SUPT7L: variants seen among roughly 807,000 people sequenced by gnomAD.
The protein encoded by SUPT7L is STAGA complex 65 subunit gamma.
A neutral mutation model predicts 35.7 loss-of-function variants in SUPT7L; 15 were observed. The ratio of observed to expected loss-of-function variants is 0.42; its 90% CI spans 0.28 to 0.65. SUPT7L has a LOEUF of 0.65. Ranked by LOEUF, SUPT7L falls within the 30% of genes least tolerant of loss-of-function variation. The pLI, the probability that SUPT7L is intolerant of heterozygous loss-of-function variation, is 0.23. For synonymous variants in SUPT7L, 168 were observed against 186.2 expected (o/e 0.90, Z 0.79); for missense variants, 434 against 522.2 (o/e 0.83, Z 1.65).
rs151276061 is a variant in SUPT7L, at chr2:27,661,686, G to C, written c.15-298C>G. 7.0e-4 allele frequency: 860 copies of C among 1,232,226 alleles called. 5 individuals are homozygous for C. In the African/African-American group the frequency reaches 0.012, roughly 18 times the overall value. The allele number at this position is 1,232,226 out of a possible 1,614,324, so 76.3% of individuals were successfully genotyped here. A position where few individuals can be genotyped will look rare whatever the true frequency, so the allele number is the denominator to read the frequency against. ...TCCTACTACACTGAACCACAGGGTA[G>C]AATTTGGGTCATTAGTGGACCAATA... On this transcript the variant is annotated intron_variant, in intron 2 of 5. Transcript: ENST00000337768.
chr2:27,644,132 G>A, the SUPT7L span, among the ~76,000 whole-genome samples: 2 of 152,112 alleles, frequency 1.3e-5, no homozygotes, highest in Non-Finnish European at 2.9e-5. Flanking sequence ...CAAAGATCGC[G>A]CCACTGCACT....
chr2:27,644,718 G>T, the SUPT7L span, among the ~76,000 whole-genome samples: 1 of 142,466 alleles, frequency 7.0e-6, no homozygotes, highest in African/African-American at 2.6e-5. Context: ...TTTTTTTTTG[G>T]TAGTGTTTTT....
intron 2 of SUPT7L, 185 bp from the exon 3 acceptor site, chr2:27,661,573 G>A: frequency 7.0e-7 from 1 of 1,427,446 alleles, no homozygotes; most frequent in South Asian, 1.5e-5. Context: ...GTCAGTGTCA[G>A]CAAAACTGTA....
the SUPT7L span, among the ~76,000 whole-genome samples, chr2:27,645,422 C>T: frequency 6.6e-6 from 1 of 152,300 alleles, no homozygotes; most frequent in African/African-American, 2.4e-5. Context: ...CATGTTCTTC[C>T]ATATGAACTG....
At chr2:27,644,644 A>AT in the SUPT7L span, among the ~76,000 whole-genome samples, 8 of 125,970 alleles carry the variant, frequency 6.4e-5, no homozygotes, top group African/African-American at 2.4e-4. Flanking sequence ...AGTCGGTGTT[A>AT]TTTTTTTCAT....
chr2:27,650,230 G>C (rs751447106), downstream of SUPT7L: 6 of 1,340,124 alleles, frequency 4.5e-6, no homozygotes, highest in Non-Finnish European at 6.4e-6. Context: ...CTTGTTTCTA[G>C]AAGTCCAGAA....
In SUPT7L at chr2:27,661,202, A is replaced by G. The variant is rs763258355; in HGVS notation, c.201T>C (p.Ile67=). 1 of 1,614,138 alleles carries G rather than the reference A, an allele frequency of 6.2e-7. No individual in the cohort carries two copies. The highest frequency in any genetic ancestry group is 8.5e-7 in the Non-Finnish European group (1 of 1,180,014). Reference sequence around the variant, plus strand: ...GACGTCGGTTGTGCTGAATCAACTGAATCGTATGGATGGTGAGACTACATG... The same window carrying G: ...GACGTCGGTTGTGCTGAATCAACTGGATCGTATGGATGGTGAGACTACATG... The part of the protein sequence containing the change: ...SEPCSLTIHT[I]QLIQHNRRLR... Residue 67 remains isoleucine (I), a synonymous_variant, in exon 3 of 6, where the codon ATT becomes ATC. Transcript: ENST00000337768.
At chr2:27,647,586 T>C (rs1487555737), downstream of SUPT7L, among the ~76,000 whole-genome samples, 1 of 152,210 alleles carries the variant, frequency 6.6e-6, no homozygotes, top group East Asian at 1.9e-4. Flanking sequence ...TAAGACAAGC[T>C]TCTTGAAAAT....
At chr2:27,649,446 A>G (rs1404241655), downstream of SUPT7L, among the ~76,000 whole-genome samples, 1 of 105,554 alleles carries the variant, frequency 9.5e-6, no homozygotes, top group Non-Finnish European at 2.4e-5. Context: ...GCTTTAATAA[A>G]TATATACTTT....
chr2:27,647,834 A>G, downstream of SUPT7L: 1 of 1,590,470 alleles, frequency 6.3e-7, no homozygotes, highest in Non-Finnish European at 8.6e-7. Context: ...TTTTCACTGT[A>G]GACAGCTTAT....
rs770566368 is a variant in SUPT7L, at chr2:27,661,205, C to T, written c.198G>A (p.Thr66=). The change falls in exon 3 of 6, where the codon ACG becomes ACA. Residue 66 remains threonine, a synonymous_variant. Transcript: ENST00000337768. ...GTCGGTTGTGCTGAATCAACTGAATCGTATGGATGGTGAGACTACATGGCT... is the reference window on the plus strand; with the variant it reads ...GTCGGTTGTGCTGAATCAACTGAATTGTATGGATGGTGAGACTACATGGCT... ...PSEPCSLTIH[T]IQLIQHNRRL... 24 of 1,613,930 alleles carry T rather than the reference C, an allele frequency of 1.5e-5. 1 individual carries two copies. The Middle Eastern group carries it at 4.9e-4, about 33-fold the overall frequency.
chr2:27,658,274 GTAT>G (rs933387096), intron 3 of SUPT7L, among the ~76,000 whole-genome samples: 3 of 152,142 alleles, frequency 2.0e-5, no homozygotes, highest in Non-Finnish European at 4.4e-5. Flanking sequence ...GGTAGGGTCT[GTAT>G]TATTATTATT....
At chr2:27,644,358 G>T in the SUPT7L span, among the ~76,000 whole-genome samples, 2 of 152,112 alleles carry the variant, frequency 1.3e-5, no homozygotes, top group East Asian at 3.9e-4. Context: ...ATTATATGTT[G>T]CAAATGTTTA....
chr2:27,649,925 T>C (rs1674444525), downstream of SUPT7L, among the ~76,000 whole-genome samples: 1 of 152,218 alleles, frequency 6.6e-6, no homozygotes, highest in East Asian at 1.9e-4. Flanking sequence ...AGGTATTCTT[T>C]CTACTTATAA....
rs1674866083 is a variant in SUPT7L, at chr2:27,657,609, C to T, written c.480G>A (p.Gln160=). ...CGTGGGCCAGGATTGTGGCCACTGC[C>T]TGGTAGAGGAGCTGCCGACAGGAGT... is the stretch of plus-strand genomic sequence containing the variant. ...SWHSCRQLLY[Q]AVATILAHAG... Residue 160 remains glutamine (Q), a synonymous_variant, in exon 4 of 6, where the codon CAG becomes CAA. Coordinates refer to ENST00000337768, the MANE Select transcript of SUPT7L (RefSeq NM_014860.3). The surrounding 1 kb of genome is among the most constrained non-coding windows in gnomAD (Gnocchi z 5.2). 2 of 1,614,222 alleles carry T rather than the reference C, an allele frequency of 1.2e-6. No homozygotes were observed. Among genetic ancestry groups the T allele is most frequent in the Non-Finnish European group, 1.7e-6 (2 of 1,180,034 alleles).
chr2:27,649,823 G>A (rs374885956), downstream of SUPT7L, among the ~76,000 whole-genome samples: 91 of 152,196 alleles, frequency 6.0e-4, 1 homozygote, highest in African/African-American at 2.1e-3. Context: ...AACTATAAAC[G>A]TTTCCAAATA....
downstream of SUPT7L, chr2:27,650,266 G>C: frequency 1.1e-6 from 1 of 884,232 alleles, no homozygotes; most frequent in South Asian, 1.4e-5. Flanking sequence ...TGAAAGAACT[G>C]TTCTTACCTC....
chr2:27,659,549 G>A (rs1036990328), intron 3 of SUPT7L, among the ~76,000 whole-genome samples: 2 of 152,102 alleles, frequency 1.3e-5, no homozygotes, highest in Admixed American at 6.5e-5. Flanking sequence ...GGATTCGAGG[G>A]AAAAGACATT....
chr2:27,658,601 T>A (rs1674907163), intron 3 of SUPT7L, among the ~76,000 whole-genome samples: 1 of 152,248 alleles, frequency 6.6e-6, no homozygotes, highest in African/African-American at 2.4e-5. Context: ...AAATCATTTT[T>A]CCTTGGTTCG....
Sources: allele counts gnomAD v4.1 joint callset (sites outside exome capture counted in the v4.1 genomes callset), GRCh38; gene constraint gnomAD v4.1.1; non-coding constraint Gnocchi (gnomAD v3.1); transcripts MANE v1.5; gene names NCBI Gene and HGNC (gene_info 2026-07-23, HGNC 2026-07-21).